Variants in EIPR1 observed in about 807,000 individuals in gnomAD.
EIPR1 encodes EARP complex and GARP complex interacting protein 1, also known as EARP and GARP complex-interacting protein 1.
EIPR1 carries 25 observed loss-of-function variants against 48.1 expected under a neutral mutation model. The observed-to-expected ratio is 0.52, with a 90% CI of 0.38 to 0.73. The LOEUF (loss-of-function observed/expected upper bound fraction) is 0.73, where lower values mean the gene tolerates loss of function less well. EIPR1 is among the 30% of genes least tolerant of loss of function. The pLI, the probability that EIPR1 is intolerant of heterozygous loss-of-function variation, is 0.00. For missense variants in EIPR1, 415 were observed against 506.2 expected (o/e 0.82, Z 1.73); for synonymous variants, 204 against 201.9 (o/e 1.01, Z -0.09).
At chr2:3,278,592 G>A (rs1254124647) in intron 3 of EIPR1, among the ~76,000 whole-genome samples, 1 of 152,132 alleles carries the variant, frequency 6.6e-6, no homozygotes, top group Non-Finnish European at 1.5e-5. Context: ...TCCGACCCCT[G>A]AGGTTGGCCT....
intron 3 of EIPR1, among the ~76,000 whole-genome samples, chr2:3,271,116 A>G (rs974740046): frequency 2.0e-5 from 3 of 152,210 alleles, no homozygotes; most frequent in African/African-American, 7.2e-5. Flanking sequence ...TTCGAGATTG[A>G]TCATGAGATT....
chr2:3,208,960 A>T (rs1358694244), intron 5 of EIPR1: 1 of 1,492,044 alleles, frequency 6.7e-7, no homozygotes, highest in Admixed American at 2.2e-5. Flanking sequence ...TCTTCCCTCT[A>T]ATAGGACAAG....
At chr2:3,343,448 CA>C (rs756144187) in intron 2 of EIPR1, among the ~76,000 whole-genome samples, 44 of 152,342 alleles carry the variant, frequency 2.9e-4, no homozygotes, top group Admixed American at 5.2e-4. Context: ...ACCAGCTAGG[CA>C]GGTCTGCAAA....
chr2:3,322,191 G>A (rs6711575), intron 3 of EIPR1, among the ~76,000 whole-genome samples: 9 of 152,146 alleles, frequency 5.9e-5, no homozygotes, highest in South Asian at 2.1e-4. Flanking sequence ...TAGGGCTGAC[G>A]GTCACGGTGA....
rs1207926147 is a variant in EIPR1 at position 3,294,929 on chromosome 2, T to C, written c.260-37474A>G. 2.5e-5 allele frequency among the ~76,000 whole-genome samples: 2 copies of C among 79,988 alleles called. 1 individual carries two copies. Among genetic ancestry groups the C allele is most frequent in the African/African-American group, 1.0e-4 (2 of 19,914 alleles). The allele number at this position is 79,988 out of a possible 152,430, so 52.5% of individuals were successfully genotyped here. A position where few individuals can be genotyped will look rare whatever the true frequency, so the allele number is the denominator to read the frequency against. ...TCTCTCCCTGCACACACACCCGCCA[T>C]CCAGCCCATCCTCTCTACACACACA... On this transcript the variant is annotated intron_variant, in intron 3 of 8. Coordinates refer to ENST00000382125, the MANE Select transcript of EIPR1 (RefSeq NM_003310.5).
chr2:3,222,979 CAA>C (rs1665946108), intron 4 of EIPR1, among the ~76,000 whole-genome samples: 1 of 152,014 alleles, frequency 6.6e-6, no homozygotes, highest in Admixed American at 6.6e-5. Flanking sequence ...AATGTCAAGG[CAA>C]AGAGGGAAAG....
chr2:3,238,353 C>T (rs1329205366), intron 4 of EIPR1, among the ~76,000 whole-genome samples: 2 of 152,208 alleles, frequency 1.3e-5, no homozygotes, highest in South Asian at 2.1e-4. Flanking sequence ...TCTCCCTCCA[C>T]GGGCTGGTGA....
Position 3,201,539 on chromosome 2 carries a change from G to A in EIPR1, c.517-4522C>T, listed in dbSNP as rs558775821. Among the ~76,000 whole-genome samples, 25 of 152,236 alleles carry A rather than the reference G, an allele frequency of 1.6e-4. 1 individual carries two copies. The highest frequency in any genetic ancestry group is 2.9e-4 in the Non-Finnish European group (20 of 68,046). ...GCATGGACCCAGACACAGAGCGGGG[G>A]CACAGGCACTGCAGGGAGGGAGAGC... On this transcript the variant is annotated intron_variant, in intron 5 of 8. Coordinates refer to ENST00000382125, the MANE Select transcript of EIPR1 (RefSeq NM_003310.5).
At chr2:3,330,409 A>G (rs1212934906) in intron 3 of EIPR1, among the ~76,000 whole-genome samples, 1 of 152,240 alleles carries the variant, frequency 6.6e-6, no homozygotes, top group Non-Finnish European at 1.5e-5. Context: ...AGGGGGACAC[A>G]GAGCCAGACC....
intron 3 of EIPR1, among the ~76,000 whole-genome samples, chr2:3,316,132 C>CCCACCACCATCA (rs1321643669): frequency 1.6e-5 from 2 of 128,430 alleles, no homozygotes; most frequent in Non-Finnish European, 3.3e-5. Context: ...CATACACACC[C>CCCACCACCATCA]CCACCACCAT....
chr2:3,258,562 A>G (rs1667234140), intron 3 of EIPR1, among the ~76,000 whole-genome samples: 1 of 152,212 alleles, frequency 6.6e-6, no homozygotes, highest in Non-Finnish European at 1.5e-5. Flanking sequence ...CAAAATAACA[A>G]CGACCTTAGG....
intron 1 of EIPR1, among the ~76,000 whole-genome samples, chr2:3,356,206 G>T (rs546501558): frequency 2.0e-4 from 31 of 152,216 alleles, no homozygotes; most frequent in Non-Finnish European, 4.3e-4. Context: ...GTCACTGGAT[G>T]CAGGCTTTTC....
Position 3,338,109 on chromosome 2 carries a change from T to C in EIPR1, c.167A>G (p.Asn56Ser). ...IDFDDENNII[N>S]KNVLLHQAGE... ...CGCTTGATGGAGGAGGACATTTTTA[T>C]TTATAATGTTGTTTTCATCGTCAAA... Residue 56 changes from asparagine (N) to serine (S), a missense_variant, in exon 3 of 9, where the codon AAT (asparagine) becomes AGT (serine). Coordinates refer to ENST00000382125, the MANE Select transcript of EIPR1 (RefSeq NM_003310.5). 6.2e-7 allele frequency: 1 copy of C among 1,612,758 alleles called. No individual in the cohort carries two copies. The highest frequency in any genetic ancestry group is 8.5e-7 in the Non-Finnish European group (1 of 1,179,792).
chr2:3,235,216 C>G (rs1666362307), intron 4 of EIPR1, among the ~76,000 whole-genome samples: 1 of 152,212 alleles, frequency 6.6e-6, no homozygotes, highest in South Asian at 2.1e-4. Context: ...GATGTATGAG[C>G]CAGATGAGTG....
chr2:3,342,850 T>C (rs1036086900), intron 2 of EIPR1, among the ~76,000 whole-genome samples: 6 of 152,252 alleles, frequency 3.9e-5, no homozygotes, highest in African/African-American at 1.4e-4. Context: ...CCTTATTTTA[T>C]GGTTGATTCA....
intron 1 of EIPR1, among the ~76,000 whole-genome samples, chr2:3,360,405 A>C (rs1358804470): frequency 7.3e-6 from 1 of 136,830 alleles, no homozygotes; most frequent in Non-Finnish European, 1.5e-5. Flanking sequence ...ACTCCATCTC[A>C]AAAAAAAAAA....
intron 6 of EIPR1, among the ~76,000 whole-genome samples, chr2:3,195,184 C>T (rs1476937154): frequency 6.6e-6 from 1 of 152,236 alleles, no homozygotes; most frequent in East Asian, 1.9e-4. Flanking sequence ...TCCAGTGAGG[C>T]TGGACAGTGG....
intron 4 of EIPR1, among the ~76,000 whole-genome samples, chr2:3,223,135 G>A (rs938437748): frequency 5.9e-5 from 9 of 152,174 alleles, no homozygotes; most frequent in African/African-American, 1.7e-4. Flanking sequence ...AATAAAATGC[G>A]TAGTTTGCAG....
intron 4 of EIPR1, among the ~76,000 whole-genome samples, chr2:3,255,278 A>T (rs11885487): frequency 0.041 from 6,136 of 151,338 alleles, 144 homozygotes; most frequent in South Asian, 0.074. Flanking sequence ...CGCCTCCCAG[A>T]TTCAAGTGAT....
Sources: allele counts gnomAD v4.1 joint callset (sites outside exome capture counted in the v4.1 genomes callset), GRCh38; gene constraint gnomAD v4.1.1; transcripts MANE v1.5; gene names NCBI Gene and HGNC (gene_info 2026-07-23, HGNC 2026-07-21).